Variants in FAT3 observed in about 807,000 individuals in gnomAD.
FAT3 encodes FAT atypical cadherin 3, also known as protocadherin Fat 3.
A neutral mutation model predicts 310.2 loss-of-function variants in FAT3; 95 were observed. The ratio of observed to expected loss-of-function variants is 0.31; its 90% CI spans 0.26 to 0.36. The LOEUF (loss-of-function observed/expected upper bound fraction) is 0.36, where lower values mean the gene tolerates loss of function less well. Ranked by LOEUF, FAT3 falls within the 10% of genes least tolerant of loss-of-function variation. The probability of loss-of-function intolerance (pLI) is 1.00; values close to 1 mark genes in which losing one functional copy is unlikely to be tolerated. For synonymous variants in FAT3, 2,314 were observed against 2,192.9 expected, an observed-to-expected ratio of 1.06 and a Z score of -1.54; for missense variants, 5,408 against 5,715.6, an observed-to-expected ratio of 0.95 and a Z score of 1.74.
At position 92,711,003 on chromosome 11, in the gene FAT3, A is replaced by G. The variant is rs140123520; in HGVS notation, c.3669+13558A>G. Among the ~76,000 whole-genome samples, 1,267 of 152,358 alleles carry G rather than the reference A, an allele frequency of 8.3e-3. 29 individuals are homozygous for G. Among genetic ancestry groups the G allele is most frequent in the African/African-American group, 0.029 (1,207 of 41,580 alleles). On this transcript the variant is annotated intron_variant, in intron 4 of 27. Coordinates refer to ENST00000525166, the MANE Select transcript of FAT3 (RefSeq NM_001367949.2). Reference sequence around the variant, plus strand: ...GAAATATGAGAATCATGTAACTATGATCATATATGATACATGTTCATTGTA... The same window carrying G: ...GAAATATGAGAATCATGTAACTATGGTCATATATGATACATGTTCATTGTA...
At chr11:92,441,493 C>T (rs1015289792) in intron 2 of FAT3, among the ~76,000 whole-genome samples, 4 of 152,092 alleles carry the variant, frequency 2.6e-5, no homozygotes, top group African/African-American at 7.2e-5. Flanking sequence ...GAATTATAGC[C>T]GACCCGCAGA....
chr11:92,668,981 G>A (rs2135817129), intron 3 of FAT3, among the ~76,000 whole-genome samples: 1 of 152,290 alleles, frequency 6.6e-6, no homozygotes, highest in South Asian at 2.1e-4. Context: ...TTAGACAATA[G>A]CACCAAAGGA....
At position 92,800,332 on chromosome 11, in the gene FAT3, C is replaced by G. The variant is rs557022725; in HGVS notation, c.7319C>G (p.Thr2440Arg). 2.5e-6 allele frequency: 4 copies of G among 1,613,926 alleles called. No homozygotes were observed. Among genetic ancestry groups the G allele is most frequent in the Non-Finnish European group, 3.4e-6 (4 of 1,179,858 alleles). The change falls in exon 10 of 28, where the codon ACG (threonine) becomes AGG (arginine). Residue 2440 changes from threonine to arginine, a missense_variant. This residue lies in a region of FAT3 where 4,588 missense variants were observed against 4,809.8 expected (regional missense o/e 0.95). Coordinates refer to ENST00000525166, the MANE Select transcript of FAT3 (RefSeq NM_001367949.2). Reference protein sequence around the residue: ...EYSILSGNDRTSFLMDSKSGV... With the variant: ...EYSILSGNDRRSFLMDSKSGV... Reference sequence around the variant, plus strand: ...AGCATTTTATCTGGGAATGACCGGACGAGCTTTCTGATGGACAGCAAGAGT... The same window carrying G: ...AGCATTTTATCTGGGAATGACCGGAGGAGCTTTCTGATGGACAGCAAGAGT...
intron 1 of FAT3, among the ~76,000 whole-genome samples, chr11:92,312,300 T>C (rs889005323): frequency 1.3e-5 from 2 of 152,212 alleles, no homozygotes; most frequent in African/African-American, 2.4e-5. Flanking sequence ...GTGAAATGTT[T>C]TCGCAGTAGT....
chr11:92,369,352 C>G (rs1949121314), intron 2 of FAT3, among the ~76,000 whole-genome samples: 1 of 152,116 alleles, frequency 6.6e-6, no homozygotes, highest in African/African-American at 2.4e-5. Flanking sequence ...GGCCAGGCCA[C>G]AAAGTCTAGT....
chr11:92,723,121 A>G (rs2135978859), intron 4 of FAT3, among the ~76,000 whole-genome samples: 1 of 152,314 alleles, frequency 6.6e-6, no homozygotes, highest in East Asian at 1.9e-4. Flanking sequence ...GTCAAGCTGC[A>G]AATTTTCCAA....
rs1228656761 is a variant in FAT3, at chr11:92,354,956, T to C, written c.2844T>C (p.Asp948=). Residue 948 remains aspartate (D), a synonymous_variant, in exon 2 of 28, where the codon GAT becomes GAC. Transcript: ENST00000525166. Reference sequence around the variant, plus strand: ...GCTATAGTGTGAAGGTTCTTGAAGATCTCCCTGTTGGCACTGTCATTGCTT... The same window carrying C: ...GCTATAGTGTGAAGGTTCTTGAAGACCTCCCTGTTGGCACTGTCATTGCTT... The part of the protein sequence containing the change: ...PSSYSVKVLE[D]LPVGTVIAWL... 6.2e-7 allele frequency: 1 copy of C among 1,613,860 alleles called. No individual in the cohort carries two copies. Among genetic ancestry groups the C allele is most frequent in the South Asian group, 1.1e-5 (1 of 91,088 alleles).
At chr11:92,741,409 T>C (rs1945506063) in intron 4 of FAT3, among the ~76,000 whole-genome samples, 1 of 152,158 alleles carries the variant, frequency 6.6e-6, no homozygotes, top group Admixed American at 6.6e-5. Flanking sequence ...CATAAGTGAT[T>C]TGATGGAAAT....
At chr11:92,376,743 TTTG>T (rs1949358555) in intron 2 of FAT3, among the ~76,000 whole-genome samples, 1 of 152,170 alleles carries the variant, frequency 6.6e-6, no homozygotes, top group African/African-American at 2.4e-5. Flanking sequence ...TGCTTTGGTG[TTTG>T]TTGTTATTAT....
intron 1 of FAT3, among the ~76,000 whole-genome samples, chr11:92,287,875 A>G (rs1055866734): frequency 6.6e-6 from 1 of 152,114 alleles, no homozygotes; most frequent in Admixed American, 6.6e-5. Flanking sequence ...GAATGGTCAT[A>G]GAACTCAGGG....
intron 19 of FAT3, among the ~76,000 whole-genome samples, chr11:92,848,985 G>T (rs1320117593): frequency 6.6e-6 from 1 of 152,236 alleles, no homozygotes; most frequent in Non-Finnish European, 1.5e-5. Flanking sequence ...TCGAGGTACG[G>T]ACAGAGAGAA....
At chr11:92,407,206 A>G (rs995328079) in intron 2 of FAT3, among the ~76,000 whole-genome samples, 3 of 152,200 alleles carry the variant, frequency 2.0e-5, no homozygotes, top group African/African-American at 7.2e-5. Flanking sequence ...AGAGAAAGCC[A>G]GGGAGATGGA....
intron 3 of FAT3, among the ~76,000 whole-genome samples, chr11:92,615,002 T>C (rs1940734084): frequency 1.3e-5 from 2 of 152,234 alleles, no homozygotes; most frequent in South Asian, 4.1e-4. Context: ...AGCACCTTTG[T>C]TGAAATCATG....
intron 1 of FAT3, among the ~76,000 whole-genome samples, chr11:92,254,791 C>G (rs1476698832): frequency 6.6e-6 from 1 of 151,978 alleles, no homozygotes; most frequent in South Asian, 2.1e-4. Context: ...CTGCAACCTC[C>G]CCCTCCCAGG....
chr11:92,297,644 A>G (rs565341352), intron 1 of FAT3, among the ~76,000 whole-genome samples: 1 of 152,218 alleles, frequency 6.6e-6, no homozygotes, highest in South Asian at 2.1e-4. Flanking sequence ...CTCCAAATCT[A>G]TGACAATTTT....
chr11:92,444,468 G>A (rs75845139), intron 2 of FAT3, among the ~76,000 whole-genome samples: 2,338 of 152,144 alleles, frequency 0.015, 65 homozygotes, highest in African/African-American at 0.054. Context: ...TTGATAAAAC[G>A]TCTTGGACCA....
At chr11:92,592,318 C>CTTTTTTTTTT (rs753531647) in intron 3 of FAT3, among the ~76,000 whole-genome samples, 1 of 108,242 alleles carries the variant, frequency 9.2e-6, no homozygotes, top group Non-Finnish European at 1.7e-5. Context: ...TCCTAATTGT[C>CTTTTTTTTTT]TTTTTTTTTT....
At chr11:92,247,072 G>A (rs551402380) in intron 1 of FAT3, among the ~76,000 whole-genome samples, 61 of 152,218 alleles carry the variant, frequency 4.0e-4, no homozygotes, top group African/African-American at 1.4e-3. Flanking sequence ...AATTACTAGA[G>A]AGGTTGGGAT....
intron 8 of FAT3, among the ~76,000 whole-genome samples, chr11:92,791,927 A>G (rs2136161280): frequency 6.6e-6 from 1 of 152,352 alleles, no homozygotes; most frequent in South Asian, 2.1e-4. Context: ...AAAATGACAA[A>G]TGGTTGTGTA....
Sources: gnomAD v4.1 joint callset for allele counts (sites outside exome capture counted in the v4.1 genomes callset) on GRCh38, gnomAD v4.1.1 for gene constraint, gnomAD v4.1.1 regional missense constraint, MANE v1.5 for transcripts, NCBI Gene and HGNC (gene_info 2026-07-23, HGNC 2026-07-21) for gene names.